Variants in RBM47 observed in about 807,000 individuals in gnomAD.
The protein encoded by RBM47 is RNA binding motif protein 47.
In RBM47, 21 loss-of-function variants were observed where a neutral mutation model predicts 47.1. The observed-to-expected ratio is 0.45, with a 90% CI of 0.32 to 0.64. RBM47 has a LOEUF of 0.64. Among genes scored for constraint, RBM47 ranks in the 30% least tolerant of loss-of-function variants. RBM47 has a pLI of 0.05. For missense variants in RBM47, 708 were observed against 870.9 expected (o/e 0.81, Z 2.35); for synonymous variants, 375 against 361.7 (o/e 1.04, Z -0.42).
chr4:40,600,505 G>A (rs1735160121), intron 1 of RBM47, among the ~76,000 whole-genome samples: 5 of 151,248 alleles, frequency 3.3e-5, no homozygotes, highest in Admixed American at 3.3e-4. Context: ...GTGGTGGCGG[G>A]CGCCTGTAGT....
At chr4:40,498,759 A>G (rs2154249478) in intron 2 of RBM47, among the ~76,000 whole-genome samples, 1 of 152,136 alleles carries the variant, frequency 6.6e-6, no homozygotes, top group South Asian at 2.1e-4. Context: ...TAAGGCATTT[A>G]TACATAGCGT....
intron 2 of RBM47, among the ~76,000 whole-genome samples, chr4:40,540,736 G>GT (rs1208720020): frequency 6.8e-6 from 1 of 147,434 alleles, no homozygotes; most frequent in African/African-American, 2.5e-5. Flanking sequence ...AACTATATAG[G>GT]TTTTTTTCTC....
chr4:40,534,412 A>C (rs990175785), intron 2 of RBM47, among the ~76,000 whole-genome samples: 2 of 152,206 alleles, frequency 1.3e-5, no homozygotes, highest in African/African-American at 2.4e-5. Context: ...CAAGTTCCTT[A>C]GTGATGTGGG....
chr4:40,590,383 T>C (rs1192313992), intron 1 of RBM47, among the ~76,000 whole-genome samples: 1 of 151,702 alleles, frequency 6.6e-6, no homozygotes, highest in African/African-American at 2.4e-5. Flanking sequence ...CAACAGACTC[T>C]GTCTCTTTTT....
intron 6 of RBM47, among the ~76,000 whole-genome samples, chr4:40,431,385 G>T (rs1040560225): frequency 1.2e-4 from 18 of 152,284 alleles, no homozygotes; most frequent in African/African-American, 4.1e-4. Context: ...ATGGCCGGGC[G>T]CGGTGGCTCA....
chr4:40,590,281 G>A (rs1041983054), intron 1 of RBM47, among the ~76,000 whole-genome samples: 5 of 152,188 alleles, frequency 3.3e-5, no homozygotes, highest in African/African-American at 1.2e-4. Flanking sequence ...TATAATCCCA[G>A]CGACTCCAGA....
chr4:40,447,046 A>C (rs925164942), intron 3 of RBM47, among the ~76,000 whole-genome samples: 3 of 152,154 alleles, frequency 2.0e-5, no homozygotes, highest in Non-Finnish European at 4.4e-5. Context: ...TGGCTAAAGC[A>C]CTTTGCAGAA....
intron 2 of RBM47, among the ~76,000 whole-genome samples, chr4:40,494,455 T>TATCTTG (rs1018411804): frequency 4.6e-5 from 7 of 152,210 alleles, no homozygotes; most frequent in African/African-American, 1.4e-4. Flanking sequence ...TCTTGCTAAA[T>TATCTTG]CTACCACTTA....
chr4:40,623,775 A>G (rs1387816427), intron 1 of RBM47, among the ~76,000 whole-genome samples: 1 of 152,118 alleles, frequency 6.6e-6, no homozygotes, highest in Admixed American at 6.5e-5. Context: ...TTTCCTCCTC[A>G]TCATTGCTTA....
At chr4:40,586,447 T>C (rs568970850) in intron 1 of RBM47, among the ~76,000 whole-genome samples, 22 of 151,484 alleles carry the variant, frequency 1.5e-4, no homozygotes, top group African/African-American at 4.6e-4. Flanking sequence ...AAAGCAGGCA[T>C]GTTGGAGGGT....
intron 2 of RBM47, among the ~76,000 whole-genome samples, chr4:40,496,478 A>T (rs1477959665): frequency 6.6e-6 from 1 of 152,168 alleles, no homozygotes; most frequent in Admixed American, 6.5e-5. Context: ...GCTGGAAAAA[A>T]AAAATCACTT....
chr4:40,606,977 T>G (rs1735818168), intron 1 of RBM47, among the ~76,000 whole-genome samples: 1 of 151,986 alleles, frequency 6.6e-6, no homozygotes, highest in Non-Finnish European at 1.5e-5. Flanking sequence ...AGCAAGACCC[T>G]GTCAGAAAAA....
intron 4 of RBM47, chr4:40,436,875 T>C (rs758227770): frequency 3.0e-6 from 2 of 666,612 alleles, no homozygotes; most frequent in Non-Finnish European, 5.5e-6. Context: ...GGTGAGTTTC[T>C]AGGATTGTAT....
intron 2 of RBM47, among the ~76,000 whole-genome samples, chr4:40,533,024 G>A (rs572410594): frequency 7.2e-4 from 109 of 152,242 alleles, no homozygotes; most frequent in Middle Eastern, 3.4e-3. Context: ...TTTCAGACAG[G>A]ACTCCACCAA....
At position 40,516,154 on chromosome 4, in the gene RBM47, C is replaced by T. The variant is rs181199213; in HGVS notation, c.-155+28268G>A. On this transcript the variant is annotated intron_variant, in intron 2 of 6. Coordinates refer to ENST00000295971, the MANE Select transcript of RBM47 (RefSeq NM_001098634.2). ...CTCCTAACGCCTCATCCGGGCCTCCCTTTTTCTCTTTTTTCCCTCTCTTCC... is the reference window on the plus strand; with the variant it reads ...CTCCTAACGCCTCATCCGGGCCTCCTTTTTTCTCTTTTTTCCCTCTCTTCC... Among the ~76,000 whole-genome samples the T allele has an allele frequency of 1.6e-3, 243 of 152,236 alleles. 1 individual carries two copies. Among genetic ancestry groups the T allele is most frequent in the African/African-American group, 5.2e-3 (215 of 41,544 alleles).
At chr4:40,567,092 A>C (rs113735752) in intron 1 of RBM47, among the ~76,000 whole-genome samples, 15 of 152,142 alleles carry the variant, frequency 9.9e-5, no homozygotes, top group African/African-American at 3.6e-4. Flanking sequence ...AGAGAATATA[A>C]GTAATAGTGA....
chr4:40,438,293 A>G lies in RBM47; in HGVS notation c.601T>C (p.Tyr201His). 6.2e-7 allele frequency: 1 copy of G among 1,604,602 alleles called. No individual in the cohort carries two copies. Among genetic ancestry groups the G allele is most frequent in the Non-Finnish European group, 8.5e-7 (1 of 1,179,810 alleles). Reference protein sequence around the residue: ...MKNRGFAFVEYESHRAAAMAR... With the variant: ...MKNRGFAFVEHESHRAAAMAR... ...ATGGCAGCCGCGCGGTGGCTCTCGT[A>G]CTCCACGAAGGCGAAGCCGCGGTTC... The change falls in exon 4 of 7, where the codon TAC becomes CAC. Residue 201 changes from tyrosine to histidine, a missense_variant. Transcript: ENST00000295971.
intron 2 of RBM47, among the ~76,000 whole-genome samples, chr4:40,541,898 T>C (rs11942105): frequency 0.16 from 23,729 of 152,204 alleles, 1,963 homozygotes; most frequent in East Asian, 0.22. Flanking sequence ...AATCCTGCCC[T>C]TGGTGGGAGA....
intron 1 of RBM47, among the ~76,000 whole-genome samples, chr4:40,625,863 A>C (rs1220168421): frequency 6.6e-6 from 1 of 152,180 alleles, no homozygotes; most frequent in East Asian, 1.9e-4. Context: ...CTGAGACCAA[A>C]AGATTGATAT....
Sources: gnomAD v4.1 joint callset for allele counts (sites outside exome capture counted in the v4.1 genomes callset) on GRCh38, gnomAD v4.1.1 for gene constraint, MANE v1.5 for transcripts, NCBI Gene and HGNC (gene_info 2026-07-23, HGNC 2026-07-21) for gene names.